EXPH5: variants seen among roughly 807,000 people sequenced by gnomAD.
The protein encoded by EXPH5 is exophilin 5, also known as exophilin-5.
A neutral mutation model predicts 41.1 loss-of-function variants in EXPH5; 42 were observed. That is an observed-to-expected ratio of 1.02 (90% CI 0.80 to 1.32). The LOEUF is 1.32. EXPH5 is among the 40% of genes most tolerant of loss of function. EXPH5 has a pLI of 0.00. For missense variants in EXPH5, 2,298 were observed against 2,314.5 expected, an observed-to-expected ratio of 0.99 and a Z score of 0.15; for synonymous variants, 798 against 833.5, an observed-to-expected ratio of 0.96 and a Z score of 0.73.
chr11:108,575,508 T>C (rs1279193770), intron 1 of EXPH5, among the ~76,000 whole-genome samples: 1 of 152,196 alleles, frequency 6.6e-6, no homozygotes, highest in Non-Finnish European at 1.5e-5. Flanking sequence ...AAGAAAACAC[T>C]AAAGTGACTA....
In EXPH5 at chr11:108,509,777, T is replaced by A. The variant is rs915659323; in HGVS notation, c.5730A>T (p.Leu1910Phe). ...NVKRSLTQGR[L>F]WKPSFLKNPG... ...GGTTCTTAAGAAAACTTGGTTTCCATAATCTTCCTTGTGTAAGTGACCTCT... is the reference window on the plus strand; with the variant it reads ...GGTTCTTAAGAAAACTTGGTTTCCAAAATCTTCCTTGTGTAAGTGACCTCT... Residue 1910 changes from leucine (L) to phenylalanine (F), a missense_variant, in exon 6 of 6, where the codon TTA becomes TTT. By Grantham distance (22) the Leu-to-Phe change is conservative (BLOSUM62 0). Coordinates refer to ENST00000265843, the MANE Select transcript of EXPH5 (RefSeq NM_015065.3). The A allele has an allele frequency of 6.2e-7, 1 of 1,608,418 alleles. No homozygotes were observed. The highest frequency in any genetic ancestry group is 8.5e-7 in the Non-Finnish European group (1 of 1,178,576).
intron 1 of EXPH5, among the ~76,000 whole-genome samples, chr11:108,550,083 G>T (rs993109099): frequency 1.3e-5 from 2 of 152,202 alleles, no homozygotes; most frequent in South Asian, 4.1e-4. Context: ...GACAACTACT[G>T]TTAAGAGGCA....
chr11:108,561,253 A>C lies in EXPH5; in HGVS notation c.120-19441T>G, dbSNP rs894604952. On this transcript the variant is annotated intron_variant, in intron 1 of 5. Coordinates refer to ENST00000265843, the MANE Select transcript of EXPH5 (RefSeq NM_015065.3). ...TGGTTGTAGCCTATTATTTATTAAT[A>C]ATGATCTTAGATTTTAAAAGACATC... Among the ~76,000 whole-genome samples the C allele has an allele frequency of 5.3e-5, 8 of 152,244 alleles. No homozygotes were observed. The South Asian group carries it at 8.3e-4, about 16-fold the overall frequency.
chr11:108,593,272 T>C, intron 1 of EXPH5, 146 bp downstream of exon 1: 1 of 679,070 alleles, frequency 1.5e-6, no homozygotes, highest in Non-Finnish European at 2.6e-6. Context: ...CTCCGCGCAG[T>C]TTTCTCTTCC....
chr11:108,520,982 G>A (rs2093761458), intron 4 of EXPH5, among the ~76,000 whole-genome samples: 1 of 152,118 alleles, frequency 6.6e-6, no homozygotes, highest in South Asian at 2.1e-4. Flanking sequence ...TCCACCCCAT[G>A]CCTTCACTTT....
chr11:108,549,662 G>A (rs1415833635), intron 1 of EXPH5, among the ~76,000 whole-genome samples: 1 of 152,168 alleles, frequency 6.6e-6, no homozygotes, highest in Non-Finnish European at 1.5e-5. Flanking sequence ...TCTGCTCCTT[G>A]TTAATGATAC....
Position 108,544,995 on chromosome 11 carries a change from G to T in EXPH5, c.120-3183C>A, listed in dbSNP as rs1384536409. Among the ~76,000 whole-genome samples, 4 of 150,220 alleles carry T rather than the reference G, an allele frequency of 2.7e-5. No homozygotes were observed. The South Asian group carries it at 8.3e-4, about 31-fold the overall frequency. On this transcript the variant is annotated intron_variant, in intron 1 of 5. Transcript: ENST00000265843. ...TTTGTTTGATTGTGAATTTTTATTT[G>T]TGTTGTCACTTTTCCATTATTTTTT...
At position 108,589,108 on chromosome 11, in the gene EXPH5, G is replaced by A. The variant is rs564114735; in HGVS notation, c.119+4310C>T. Among the ~76,000 whole-genome samples, 218 of 152,286 alleles carry A rather than the reference G, an allele frequency of 1.4e-3. 1 individual carries two copies. The highest frequency in any genetic ancestry group is 5.2e-3 in the African/African-American group (214 of 41,540). ...GCCACACAGGACTGCATAAGGGCGA[G>A]CTACAGTTCATCTTACACATTCTAT... On this transcript the variant is annotated intron_variant, in intron 1 of 5. Coordinates refer to ENST00000265843, the MANE Select transcript of EXPH5 (RefSeq NM_015065.3).
intron 5 of EXPH5, 112 bp from the exon 6 acceptor site, chr11:108,514,987 TATC>T (rs1473610241): frequency 1.3e-5 from 7 of 538,970 alleles, no homozygotes; most frequent in Non-Finnish European, 2.0e-5. Context: ...ATTTTATTTT[TATC>T]ATATTATCAT....
chr11:108,566,855 T>G (rs965768133), intron 1 of EXPH5, among the ~76,000 whole-genome samples: 3 of 152,200 alleles, frequency 2.0e-5, no homozygotes, highest in African/African-American at 7.2e-5. Flanking sequence ...AAAGATTTCC[T>G]TTTGTGGTCT....
chr11:108,534,416 G>A (rs7104503), intron 3 of EXPH5, among the ~76,000 whole-genome samples: 4 of 151,970 alleles, frequency 2.6e-5, no homozygotes, highest in South Asian at 4.1e-4. Flanking sequence ...TATAAGGCCC[G>A]TGTGTTGTGG....
chr11:108,526,495 C>T (rs186239054), intron 4 of EXPH5, among the ~76,000 whole-genome samples: 58 of 152,304 alleles, frequency 3.8e-4, no homozygotes, highest in African/African-American at 1.3e-3. Flanking sequence ...GGCTCTCAAA[C>T]GGCAGAGGAT....
chr11:108,604,823 G>T, the EXPH5 span, among the ~76,000 whole-genome samples: 1 of 152,094 alleles, frequency 6.6e-6, no homozygotes, highest in Non-Finnish European at 1.5e-5. Context: ...CAGGTTATTA[G>T]GATGAAATCA....
intron 1 of EXPH5, among the ~76,000 whole-genome samples, chr11:108,550,771 T>G (rs543648461): frequency 2.0e-5 from 3 of 152,072 alleles, no homozygotes; most frequent in African/African-American, 7.2e-5. Context: ...AGAGTGAGAC[T>G]TCGTCTCAAA....
In EXPH5 at chr11:108,514,266, C is replaced by A. The variant is rs781181483; in HGVS notation, c.1241G>T (p.Arg414Ile). The change falls in exon 6 of 6, where the codon AGA (arginine) becomes ATA (isoleucine). Residue 414 changes from arginine to isoleucine, a missense_variant. Transcript: ENST00000265843. Reference protein sequence around the residue: ...VYPRGFQENKRYESYHSQNVY... With the variant: ...VYPRGFQENKIYESYHSQNVY... ...ATTCTGTGAATGGTACGATTCATAT[C>A]TCTTATTCTCCTGAAAACCCCTGGG... 1.9e-6 allele frequency: 3 copies of A among 1,614,090 alleles called. No homozygotes were observed. The highest frequency in any genetic ancestry group is 2.5e-6 in the Non-Finnish European group (3 of 1,180,004).
At position 108,541,723 on chromosome 11, in the gene EXPH5, T is replaced by G; in HGVS notation, c.209A>C (p.Asn70Thr). Residue 70 changes from asparagine (N) to threonine (T), a missense_variant, in exon 2 of 6, where the codon AAT becomes ACT. Physicochemically the swap from Asn to Thr is moderately conservative, Grantham distance 65. Transcript: ENST00000265843. ...FEEIQRKKFC[N>T]ETDVSQMLKQ... is the part of the protein sequence containing the mutation. ...TAACATTTGGCTAACATCTGTTTCA[T>G]TGCAAAACTTTTTTCTTTGAATTTC... 1 of 1,613,412 alleles carries G rather than the reference T, an allele frequency of 6.2e-7. No homozygotes were observed. The highest frequency in any genetic ancestry group is 1.7e-5 in the Admixed American group (1 of 59,990).
chr11:108,583,640 A>G (rs2094105047), intron 1 of EXPH5, among the ~76,000 whole-genome samples: 1 of 151,602 alleles, frequency 6.6e-6, no homozygotes, highest in African/African-American at 2.4e-5. Flanking sequence ...TGGCCAACAT[A>G]GCAAAACCCC....
intron 1 of EXPH5, among the ~76,000 whole-genome samples, chr11:108,587,436 G>A (rs751900813): frequency 1.1e-4 from 17 of 152,146 alleles, no homozygotes; most frequent in Non-Finnish European, 2.1e-4. Flanking sequence ...AGTAAGTTAA[G>A]TTCCATTTGA....
In EXPH5 at chr11:108,512,673, C is replaced by T; in HGVS notation, c.2834G>A (p.Arg945Lys). 6.2e-7 allele frequency: 1 copy of T among 1,614,118 alleles called. No individual in the cohort carries two copies. The highest frequency in any genetic ancestry group is 1.7e-5 in the Admixed American group (1 of 60,014). The change falls in exon 6 of 6, where the codon AGA becomes AAA. Residue 945 changes from arginine (R) to lysine (K), a missense_variant. Arg to Lys is a conservative substitution (Grantham distance 26). Coordinates refer to ENST00000265843, the MANE Select transcript of EXPH5 (RefSeq NM_015065.3). ...FIVSHSENQE[R>K]NDSPVPTHDE... ...ATGTGTAGGCACAGGACTATCATTT[C>T]TCTCTTGGTTTTCTGAGTGGCTTAC...
Sources: allele counts gnomAD v4.1 joint callset (sites outside exome capture counted in the v4.1 genomes callset), GRCh38; gene constraint gnomAD v4.1.1; transcripts MANE v1.5; gene names NCBI Gene and HGNC (gene_info 2026-07-23, HGNC 2026-07-21).